The following LHFPL3 variants were observed in gnomAD, a reference collection of about 807,000 sequenced individuals.
LHFPL3 encodes the protein LHFPL tetraspan subfamily member 3.
A neutral mutation model predicts 19.3 loss-of-function variants in LHFPL3; 5 were observed. The observed-to-expected ratio is 0.26, with a 90% CI of 0.14 to 0.54. The LOEUF (loss-of-function observed/expected upper bound fraction) is 0.54, where lower values mean the gene tolerates loss of function less well. Among genes scored for constraint, LHFPL3 ranks in the 20% least tolerant of loss-of-function variants. LHFPL3 has a pLI of 0.94. For missense variants in LHFPL3, 249 were observed against 307.4 expected, an observed-to-expected ratio of 0.81 and a Z score of 1.42; for synonymous variants, 133 against 126.2, an observed-to-expected ratio of 1.05 and a Z score of -0.36.
chr7:104,531,002 A>G (rs186479731), intron 1 of LHFPL3, among the ~76,000 whole-genome samples: 2 of 151,662 alleles, frequency 1.3e-5, no homozygotes, highest in Non-Finnish European at 1.5e-5. Context: ...TAAAACAAAA[A>G]TATTGCCTGT....
chr7:104,464,079 C>T (rs914809923), intron 1 of LHFPL3, among the ~76,000 whole-genome samples: 1 of 152,228 alleles, frequency 6.6e-6, no homozygotes, highest in Non-Finnish European at 1.5e-5. Flanking sequence ...GGCAAATACA[C>T]GGATTCCAAA....
intron 1 of LHFPL3, among the ~76,000 whole-genome samples, chr7:104,559,204 C>G (rs1277972504): frequency 6.9e-5 from 9 of 129,536 alleles, no homozygotes; most frequent in African/African-American, 2.4e-4. Flanking sequence ...TAGTTTTTTC[C>G]AATTCTGTGA....
At chr7:104,663,108 C>G (rs1016351061) in intron 1 of LHFPL3, among the ~76,000 whole-genome samples, 1 of 152,142 alleles carries the variant, frequency 6.6e-6, no homozygotes, top group African/African-American at 2.4e-5. Flanking sequence ...AACATTATAA[C>G]CTTGACTACA....
chr7:104,339,151 G>C (rs963287999), intron 1 of LHFPL3, among the ~76,000 whole-genome samples: 2 of 152,114 alleles, frequency 1.3e-5, no homozygotes, highest in African/African-American at 4.8e-5. Context: ...GGGAGGCCGA[G>C]ATAGGAGAAT....
intron 2 of LHFPL3, chr7:104,769,052 A>G (rs1794506246): frequency 6.6e-6 from 1 of 152,226 alleles, no homozygotes; most frequent in Non-Finnish European, 1.5e-5. Flanking sequence ...TGTAGCTATC[A>G]TTTCAAACAT....
chr7:104,568,145 C>T (rs901059050), intron 1 of LHFPL3, among the ~76,000 whole-genome samples: 2 of 152,162 alleles, frequency 1.3e-5, no homozygotes, highest in Non-Finnish European at 2.9e-5. Context: ...GGATTCTTAA[C>T]AGATTTGTAC....
At chr7:104,613,918 AG>A (rs1284530106) in intron 1 of LHFPL3, among the ~76,000 whole-genome samples, 2 of 152,212 alleles carry the variant, frequency 1.3e-5, no homozygotes, top group Non-Finnish European at 2.9e-5. Context: ...CAGTGTGATT[AG>A]GTCATTTATG....
chr7:104,680,784 A>G (rs1411454883), intron 1 of LHFPL3, among the ~76,000 whole-genome samples: 3 of 152,196 alleles, frequency 2.0e-5, no homozygotes, highest in African/African-American at 7.2e-5. Context: ...ACAAACAAAC[A>G]TGATGGGGGT....
intron 1 of LHFPL3, among the ~76,000 whole-genome samples, chr7:104,630,231 T>G (rs1173115350): frequency 6.6e-6 from 1 of 152,162 alleles, no homozygotes; most frequent in African/African-American, 2.4e-5. Flanking sequence ...ATAGAAGTGC[T>G]GGGGGCACAT....
intron 1 of LHFPL3, among the ~76,000 whole-genome samples, chr7:104,391,281 C>T (rs1482202071): frequency 6.6e-6 from 1 of 151,998 alleles, no homozygotes; most frequent in Non-Finnish European, 1.5e-5. Context: ...CTGAATGGTA[C>T]TGCCTAGGTT....
intron 1 of LHFPL3, among the ~76,000 whole-genome samples, chr7:104,429,917 T>G (rs1791923181): frequency 1.3e-5 from 2 of 152,138 alleles, no homozygotes; most frequent in Non-Finnish European, 1.5e-5. Context: ...GCAATGTGCC[T>G]GCCTGCTGAT....
intron 2 of LHFPL3, among the ~76,000 whole-genome samples, chr7:104,745,082 A>G (rs1221219424): frequency 2.6e-5 from 4 of 152,176 alleles, no homozygotes; most frequent in Non-Finnish European, 4.4e-5. Flanking sequence ...AGTATTTCCA[A>G]AACTGAGCTT....
At chr7:104,700,551 G>A (rs1277492385) in intron 1 of LHFPL3, among the ~76,000 whole-genome samples, 1 of 152,134 alleles carries the variant, frequency 6.6e-6, no homozygotes, top group African/African-American at 2.4e-5. Context: ...TTTATTTGTT[G>A]AGTCTAAAAG....
intron 1 of LHFPL3, among the ~76,000 whole-genome samples, chr7:104,472,176 C>CAA (rs36086761): frequency 0.11 from 14,793 of 134,382 alleles, 1,248 homozygotes; most frequent in African/African-American, 0.25. Flanking sequence ...GACCCTATCT[C>CAA]AAAAAAAAAA....
At chr7:104,793,814 G>A (rs1278093751) in intron 2 of LHFPL3, among the ~76,000 whole-genome samples, 1 of 152,148 alleles carries the variant, frequency 6.6e-6, no homozygotes, top group Non-Finnish European at 1.5e-5. Context: ...GAACTCTTGT[G>A]GTATCTCCCA....
At chr7:104,403,633 G>A (rs1022047060) in intron 1 of LHFPL3, among the ~76,000 whole-genome samples, 6 of 151,948 alleles carry the variant, frequency 3.9e-5, no homozygotes, top group Non-Finnish European at 5.9e-5. Flanking sequence ...TATCTTTGGA[G>A]GAAAAAGAAA....
chr7:104,341,076 A>G (rs547638038), intron 1 of LHFPL3, among the ~76,000 whole-genome samples: 2 of 152,330 alleles, frequency 1.3e-5, no homozygotes, highest in East Asian at 3.9e-4. Context: ...AATATTCTCC[A>G]TCTCTAATAA....
At chr7:104,742,143 A>G (rs3923945) in intron 2 of LHFPL3, among the ~76,000 whole-genome samples, 33,776 of 152,214 alleles carry the variant, frequency 0.22, 4,021 homozygotes, top group South Asian at 0.44. Context: ...TTCATTTTCA[A>G]TTTCTTTCAT....
Position 104,736,578 on chromosome 7 carries a change from G to A in LHFPL3, c.446-97G>A, listed in dbSNP as rs1268783371. Reference sequence around the variant, plus strand: ...CTGTTTTTTAAATCAAGAATAATTTGAAACAATGATTCGACAGACAGTGGA... The same window carrying A: ...CTGTTTTTTAAATCAAGAATAATTTAAAACAATGATTCGACAGACAGTGGA... On this transcript the variant is annotated intron_variant, in intron 1 of 2. Coordinates refer to ENST00000424859, the MANE Select transcript of LHFPL3 (RefSeq NM_199000.3). 5.2e-6 allele frequency: 4 copies of A among 769,482 alleles called. No homozygotes were observed. In the African/African-American group the frequency reaches 7.0e-5, roughly 13 times the overall value. 47.7% of individuals were successfully genotyped at this position (769,482 alleles called of 1,614,324 possible). A position where few individuals can be genotyped will look rare whatever the true frequency, so the allele number is the denominator to read the frequency against.
Sources: gnomAD v4.1 joint callset for allele counts (sites outside exome capture counted in the v4.1 genomes callset) on GRCh38, gnomAD v4.1.1 for gene constraint, MANE v1.5 for transcripts, NCBI Gene and HGNC (gene_info 2026-07-23, HGNC 2026-07-21) for gene names.